ATCAY: variants seen among roughly 807,000 people sequenced by gnomAD.
The protein encoded by ATCAY is caytaxin.
Under a neutral mutation model 47.7 loss-of-function variants are expected in ATCAY, and 22 were observed. The observed-to-expected ratio is 0.46, with a 90% CI of 0.33 to 0.66. The LOEUF (loss-of-function observed/expected upper bound fraction) is 0.66, where lower values mean the gene tolerates loss of function less well. Ranked by LOEUF, ATCAY falls within the 30% of genes least tolerant of loss-of-function variation. ATCAY has a pLI of 0.02. For missense variants in ATCAY, 452 were observed against 515.0 expected (o/e 0.88, Z 1.18); for synonymous variants, 216 against 207.6 (o/e 1.04, Z -0.35).
chr19:3,920,930 A>C, intron 12 of ATCAY, 132 bp downstream of exon 12: 4 of 1,096,386 alleles, frequency 3.6e-6, no homozygotes, highest in African/African-American at 1.6e-5. Context: ...AGGGATCCTA[A>C]TCCCAGGAAA....
In ATCAY at chr19:3,905,550, T is replaced by C; in HGVS notation, c.253T>C (p.Leu85=). The C allele has an allele frequency of 6.2e-7, 1 of 1,613,936 alleles. No homozygotes were observed. The highest frequency in any genetic ancestry group is 1.6e-4 in the Middle Eastern group (1 of 6,062). ...GGGGTCCCTGCTGTCCGATGACTTC[T>C]TGGATACCCCTGATGACCTGGATAT... The part of the protein sequence containing the change: ...SEGSLLSDDF[L]DTPDDLDINV... The change falls in exon 4 of 13, where the codon TTG becomes CTG. Residue 85 remains leucine (L), a synonymous_variant. Transcript: ENST00000450849.
At chr19:3,897,804 A>T (rs1181264065) in intron 2 of ATCAY, among the ~76,000 whole-genome samples, 1 of 152,098 alleles carries the variant, frequency 6.6e-6, no homozygotes, top group Non-Finnish European at 1.5e-5. Flanking sequence ...GCTACTCTGG[A>T]GGCTGAGGCA....
At chr19:3,915,895 G>C (rs74172611) in intron 9 of ATCAY, among the ~76,000 whole-genome samples, 17,243 of 151,454 alleles carry the variant, frequency 0.11, 1,081 homozygotes, top group Middle Eastern at 0.18. Flanking sequence ...TTGTCATGTT[G>C]GCCAGGCTGG....
At position 3,926,618 on chromosome 19, in the gene ATCAY, G is replaced by A. The variant is rs147402942; in HGVS notation, c.*2026G>A. 0.016 allele frequency: 2,459 copies of A among 152,312 alleles called. 30 individuals carry two copies. Among genetic ancestry groups the A allele is most frequent in the Non-Finnish European group, 0.026 (1,769 of 68,038 alleles). 9.4% of individuals were successfully genotyped at this position (152,312 alleles called of 1,614,324 possible). A position where few individuals can be genotyped will look rare whatever the true frequency, so the allele number is the denominator to read the frequency against. On this transcript the variant is annotated 3_prime_UTR_variant, in exon 13 of 13. Coordinates refer to ENST00000450849, the MANE Select transcript of ATCAY (RefSeq NM_033064.5). ...GGAACTGGTGGTATTTAGTGCTGAGGGGCAGTGATACAGAAAGATTTGCCC... is the reference window on the plus strand; with the variant it reads ...GGAACTGGTGGTATTTAGTGCTGAGAGGCAGTGATACAGAAAGATTTGCCC...
chr19:3,920,934 C>CACACAGAGCCA, intron 12 of ATCAY, 136 bp downstream of exon 12: 2 of 1,039,782 alleles, frequency 1.9e-6, no homozygotes, highest in Non-Finnish European at 2.9e-6. Flanking sequence ...ATCCTAATCC[C>CACACAGAGCCA]AGGAAAACTG....
intron 8 of ATCAY, among the ~76,000 whole-genome samples, chr19:3,911,189 A>AC (rs1466629621): frequency 5.3e-5 from 8 of 151,970 alleles, no homozygotes; most frequent in Admixed American, 2.0e-4. Flanking sequence ...ACATAGCAAA[A>AC]CCCCCATCTC....
chr19:3,922,233 T>C (rs1487407892), intron 12 of ATCAY: 6 of 700,932 alleles, frequency 8.6e-6, no homozygotes, highest in Non-Finnish European at 1.6e-5. Flanking sequence ...GTGAGTGTTA[T>C]TAGTCCATTC....
intron 2 of ATCAY, among the ~76,000 whole-genome samples, chr19:3,900,895 CTTTT>C (rs59395284): frequency 0.099 from 9,111 of 91,648 alleles, 667 homozygotes; most frequent in African/African-American, 0.31. Context: ...TATCCTTCAT[CTTTT>C]TTTTTTTTTT....
intron 4 of ATCAY, among the ~76,000 whole-genome samples, chr19:3,906,853 A>T (rs2038865405): frequency 6.6e-6 from 1 of 151,980 alleles, no homozygotes; most frequent in South Asian, 2.1e-4. Flanking sequence ...ACAGACCACG[A>T]AAGGCCAGGC....
chr19:3,923,725 T>C (rs977856699), intron 12 of ATCAY, among the ~76,000 whole-genome samples: 13 of 145,542 alleles, frequency 8.9e-5, no homozygotes, highest in African/African-American at 3.1e-4. Context: ...GTTGGGTAGA[T>C]GAATGGGTGG....
chr19:3,918,767 G>T (rs771539856), intron 10 of ATCAY, 39 bp from the exon 11 acceptor site: 2 of 1,612,910 alleles, frequency 1.2e-6, no homozygotes, highest in South Asian at 2.2e-5. Context: ...GGCCTGGCTG[G>T]GCTAGTCACC....
chr19:3,917,617 AGAAG>A, intron 9 of ATCAY, 121 bp from the exon 10 acceptor site: 1 of 830,174 alleles, frequency 1.2e-6, no homozygotes, highest in Non-Finnish European at 1.9e-6. Context: ...AAAAGGAAGA[AGAAG>A]AAGAAGAAAA....
chr19:3,913,666 G>A (rs2038941075), intron 8 of ATCAY, 92 bp from the exon 9 acceptor site: 1 of 923,522 alleles, frequency 1.1e-6, no homozygotes, highest in East Asian at 2.6e-5. Flanking sequence ...GGGTCCTGTG[G>A]GGATCCCTGT....
chr19:3,881,383 G>A (rs1169409770), intron 1 of ATCAY, among the ~76,000 whole-genome samples: 1 of 80,108 alleles, frequency 1.2e-5, no homozygotes, highest in Non-Finnish European at 2.6e-5. Flanking sequence ...GACGATTTCG[G>A]GAAAAAAAAA....
intron 8 of ATCAY, among the ~76,000 whole-genome samples, chr19:3,912,406 C>T (rs989683451): frequency 6.6e-6 from 1 of 151,960 alleles, no homozygotes. Context: ...CTCCGCCTCC[C>T]GGGTTCACGC....
At position 3,881,638 on chromosome 19, in the gene ATCAY, C is replaced by T. The variant is rs561569982; in HGVS notation, c.-42+630C>T. 1.8e-3 allele frequency among the ~76,000 whole-genome samples: 269 copies of T among 150,830 alleles called. 1 individual carries two copies. Among genetic ancestry groups the T allele is most frequent in the African/African-American group, 5.8e-3 (239 of 41,110 alleles). On this transcript the variant is annotated intron_variant, in intron 1 of 12. Transcript: ENST00000450849. ...GAGTGTCCGGGGCCCACTGAGGACC[C>T]ACCCCACCCCATCCTTAGAAGACTG...
intron 9 of ATCAY, among the ~76,000 whole-genome samples, chr19:3,916,076 C>A (rs2369252): frequency 0.52 from 78,282 of 151,820 alleles, 21,071 homozygotes; most frequent in East Asian, 0.93. Flanking sequence ...CCCCTGGCAG[C>A]CCCCATCCTA....
rs2038917347 is a variant in ATCAY, at chr19:3,910,942, C to T, written c.866+53C>T. 2.0e-5 allele frequency: 32 copies of T among 1,571,750 alleles called. No homozygotes were observed. In the South Asian group the frequency reaches 2.3e-4, roughly 11 times the overall value. On this transcript the variant is annotated intron_variant, in intron 8 of 12. Coordinates refer to ENST00000450849, the MANE Select transcript of ATCAY (RefSeq NM_033064.5). ...CCAGTGGCCTCAGTGTGCGTGTGTG[C>T]GTGTGTGTATGCATGCATTTGTGTG... is the stretch of plus-strand genomic sequence containing the variant.
At chr19:3,887,576 T>C (rs1330863280) in intron 2 of ATCAY, among the ~76,000 whole-genome samples, 1 of 151,206 alleles carries the variant, frequency 6.6e-6, no homozygotes, top group Non-Finnish European at 1.5e-5. Context: ...AAGCTCCGCC[T>C]CCCGGGTTCA....
Sources: gnomAD v4.1 joint callset for allele counts (sites outside exome capture counted in the v4.1 genomes callset) on GRCh38, gnomAD v4.1.1 for gene constraint, MANE v1.5 for transcripts, NCBI Gene and HGNC (gene_info 2026-07-23, HGNC 2026-07-21) for gene names.